Variants in SNRK observed in about 807,000 individuals in gnomAD.
SNRK encodes SNF related kinase, also known as SNF-related serine/threonine-protein kinase.
SNRK carries 3 observed loss-of-function variants against 48.2 expected under a neutral mutation model. The ratio of observed to expected loss-of-function variants is 0.06; its 90% CI spans 0.03 to 0.16. SNRK has a LOEUF of 0.16. Among genes scored for constraint, SNRK ranks in the 10% least tolerant of loss-of-function variants. SNRK has a pLI of 1.00. For synonymous variants in SNRK, 376 were observed against 366.1 expected (o/e 1.03, Z -0.31); for missense variants, 627 against 976.0 (o/e 0.64, Z 4.76).
chr3:43,311,716 GTAA>G (rs749323150), intron 3 of SNRK, among the ~76,000 whole-genome samples: 59 of 152,108 alleles, frequency 3.9e-4, no homozygotes, highest in Non-Finnish European at 6.6e-4. Flanking sequence ...TAAGACAGGA[GTAA>G]TGTCTTTGCT....
rs2091287679 is a variant in SNRK at position 43,347,636 on chromosome 3, G to A, written c.1377G>A (p.Met459Ile). The A allele has an allele frequency of 6.2e-7, 1 of 1,613,702 alleles. No individual in the cohort carries two copies. The highest frequency in any genetic ancestry group is 1.3e-5 in the African/African-American group (1 of 74,914). The change falls in exon 7 of 7, where the codon ATG becomes ATA. Residue 459 changes from methionine to isoleucine, a missense_variant. Physicochemically the swap from Met to Ile is conservative, Grantham distance 10. This residue lies in a region of SNRK where 175 missense variants were observed against 209.7 expected (regional missense o/e 0.83). Coordinates refer to ENST00000296088, the MANE Select transcript of SNRK (RefSeq NM_017719.5). This position sits in a 1 kb window ranked among gnomAD's most constrained non-coding sequence, Gnocchi z 5.4. ...AAGATGAGGAGGACAAGAAACCCATGTCCCTCTCAACACAAGTGGTTTTGC... is the reference window on the plus strand; with the variant it reads ...AAGATGAGGAGGACAAGAAACCCATATCCCTCTCAACACAAGTGGTTTTGC... ...EEEDEEDKKP[M>I]SLSTQVVLRR...
chr3:43,337,453 C>G (rs1326812442), intron 4 of SNRK, among the ~76,000 whole-genome samples: 1 of 151,932 alleles, frequency 6.6e-6, no homozygotes, highest in East Asian at 1.9e-4. Flanking sequence ...AATGGTCTCA[C>G]CCTGTCACCC....
intron 3 of SNRK, chr3:43,314,938 A>T (rs1000546727): frequency 6.6e-6 from 1 of 152,134 alleles, no homozygotes; most frequent in East Asian, 1.9e-4. Context: ...TTTATAAATA[A>T]TCTGCAATTA....
At chr3:43,289,237 G>C (rs1223774823) in intron 1 of SNRK, among the ~76,000 whole-genome samples, 1 of 152,134 alleles carries the variant, frequency 6.6e-6, no homozygotes. Context: ...TGGTCTTGAA[G>C]AATAGGAAGA....
intron 3 of SNRK, among the ~76,000 whole-genome samples, chr3:43,326,760 A>G (rs916951159): frequency 6.6e-5 from 10 of 152,064 alleles, no homozygotes; most frequent in Admixed American, 3.3e-4. Flanking sequence ...AACTTGGGGG[A>G]AAAAAATGAT....
At chr3:43,313,923 T>G (rs2090996746) in intron 3 of SNRK, among the ~76,000 whole-genome samples, 1 of 152,220 alleles carries the variant, frequency 6.6e-6, no homozygotes, top group Admixed American at 6.5e-5. Context: ...AGTGTGAGTG[T>G]TTCTGGCTTA....
At chr3:43,336,570 G>C (rs1424975395) in intron 4 of SNRK, among the ~76,000 whole-genome samples, 2 of 152,132 alleles carry the variant, frequency 1.3e-5, no homozygotes, top group Non-Finnish European at 2.9e-5. Flanking sequence ...GGTCTCAAGA[G>C]ATCCTCCAGC....
At chr3:43,343,549 TA>T (rs1443934682) in intron 6 of SNRK, 71 bp downstream of exon 6, 1 of 1,322,104 alleles carries the variant, frequency 7.6e-7, no homozygotes, top group East Asian at 2.5e-5. Flanking sequence ...TTTTTTTTTT[TA>T]ATGCTTCCTA....
chr3:43,287,484 A>T (rs2090775772), intron 1 of SNRK, among the ~76,000 whole-genome samples: 1 of 152,152 alleles, frequency 6.6e-6, no homozygotes, highest in Admixed American at 6.5e-5. Flanking sequence ...TTTGGGGAGA[A>T]TTTAGCAGTG....
intron 6 of SNRK, among the ~76,000 whole-genome samples, chr3:43,344,459 A>G (rs898818826): frequency 2.6e-5 from 4 of 152,130 alleles, no homozygotes; most frequent in African/African-American, 9.7e-5. Flanking sequence ...GTGAATAATA[A>G]TATTATGATT....
chr3:43,341,200 G>C (rs1356442479), intron 5 of SNRK, among the ~76,000 whole-genome samples: 1 of 151,902 alleles, frequency 6.6e-6, no homozygotes, highest in Non-Finnish European at 1.5e-5. Flanking sequence ...GCTCAGGCTG[G>C]AGTGCAGTGG....
chr3:43,302,049 C>T (rs1381840766), intron 2 of SNRK, among the ~76,000 whole-genome samples: 1 of 152,114 alleles, frequency 6.6e-6, no homozygotes, highest in Non-Finnish European at 1.5e-5. Context: ...ATTTTTAAGA[C>T]TTAAATCATC....
intron 4 of SNRK, among the ~76,000 whole-genome samples, chr3:43,336,229 C>T (rs1387325830): frequency 6.8e-6 from 1 of 147,576 alleles, no homozygotes. Flanking sequence ...CCTTTCCTTC[C>T]TCCCCTCTCT....
chr3:43,315,124 C>T (rs2091005155), intron 3 of SNRK: 1 of 152,004 alleles, frequency 6.6e-6, no homozygotes, highest in Non-Finnish European at 1.5e-5. Flanking sequence ...CACTAGGCTG[C>T]CTAAGGAGAG....
At chr3:43,332,459 T>C (rs976975630) in intron 4 of SNRK, 149 bp downstream of exon 4, 1 of 474,744 alleles carries the variant, frequency 2.1e-6, no homozygotes, top group Non-Finnish European at 3.4e-6. Context: ...ATTTCTGCTG[T>C]TGTTTCAGAG....
rs1327655422 is a variant in SNRK at position 43,347,322 on chromosome 3, A to G, written c.1080-17A>G. ...TGATTATATGGCTTTTTTCCCCCCA[A>G]TCTATCTGTTACATAGGCAGTCATG... is the stretch of plus-strand genomic sequence containing the variant. On this transcript the variant is annotated splice_polypyrimidine_tract_variant and intron_variant, in intron 6 of 6. Transcript: ENST00000296088. This position sits in a 1 kb window ranked among gnomAD's most constrained non-coding sequence, Gnocchi z 5.4. 3 of 1,530,328 alleles carry G rather than the reference A, an allele frequency of 2.0e-6. No individual in the cohort carries two copies. The highest frequency in any genetic ancestry group is 2.6e-6 in the Non-Finnish European group (3 of 1,140,282). The allele number at this position is 1,530,328 out of a possible 1,614,324, so 94.8% of individuals were successfully genotyped here.
At chr3:43,336,737 T>TTTGG (rs2091191968) in intron 4 of SNRK, among the ~76,000 whole-genome samples, 1 of 57,726 alleles carries the variant, frequency 1.7e-5, no homozygotes, top group Non-Finnish European at 3.5e-5. Flanking sequence ...AGATACACAT[T>TTTGG]TTTGTTTGTT....
Position 43,347,477 on chromosome 3 carries a change from C to T in SNRK, c.1218C>T (p.Gly406=), listed in dbSNP as rs965524877. 5 of 1,613,992 alleles carry T rather than the reference C, an allele frequency of 3.1e-6. No individual in the cohort carries two copies. Among genetic ancestry groups the T allele is most frequent in the Non-Finnish European group, 4.2e-6 (5 of 1,179,966 alleles). Residue 406 remains glycine, a synonymous_variant, in exon 7 of 7, where the codon GGC becomes GGT. Coordinates refer to ENST00000296088, the MANE Select transcript of SNRK (RefSeq NM_017719.5). This position sits in a 1 kb window ranked among gnomAD's most constrained non-coding sequence, Gnocchi z 5.4. ...TCCTCAATGGCCACAGGAGCAAAGG[C>T]CTGTGTGACTCAGCTAAGAAAGATG... ...DSVLNGHRSK[G]LCDSAKKDDL...
In SNRK at chr3:43,343,494, TCA is replaced by T; in HGVS notation, c.1079+18_1079+19del. On this transcript the variant is annotated intron_variant, in intron 6 of 6. Transcript: ENST00000296088. The stretch of plus-strand genomic sequence containing the variant: ...CCCAGTTTAGGTGAGAAAAAAATCT[TCA>T]CTGATTTTAGTAAGTTTAACGTTTT... 1 of 1,605,152 alleles carries T rather than the reference TCA, an allele frequency of 6.2e-7. No homozygotes were observed. The highest frequency in any genetic ancestry group is 8.5e-7 in the Non-Finnish European group (1 of 1,177,590).
Sources: gnomAD v4.1 joint callset for allele counts (sites outside exome capture counted in the v4.1 genomes callset) on GRCh38, gnomAD v4.1.1 for gene constraint, gnomAD v4.1.1 regional missense constraint, Gnocchi (gnomAD v3.1) non-coding constraint, MANE v1.5 for transcripts, NCBI Gene and HGNC (gene_info 2026-07-23, HGNC 2026-07-21) for gene names.